The following DDX19A variants were observed in gnomAD, a reference collection of about 807,000 sequenced individuals.
DDX19A encodes the protein DEAD-box helicase 19A.
In DDX19A, 12 loss-of-function variants were observed where a neutral mutation model predicts 60.6. The observed-to-expected ratio is 0.20, with a 90% CI of 0.13 to 0.32. The LOEUF (loss-of-function observed/expected upper bound fraction) is 0.32, where lower values mean the gene tolerates loss of function less well. Ranked by LOEUF, DDX19A falls within the 10% of genes least tolerant of loss-of-function variation. The pLI is 1.00. For missense variants in DDX19A, 337 were observed against 600.6 expected (o/e 0.56, Z 4.59); for synonymous variants, 206 against 218.2 (o/e 0.94, Z 0.49).
intron 3 of DDX19A, 148 bp from the exon 4 acceptor site, chr16:70,355,964 A>G: frequency 9.9e-7 from 1 of 1,007,128 alleles, no homozygotes; most frequent in Non-Finnish European, 1.5e-6. Flanking sequence ...CATCTCTAAA[A>G]TAAATAAATA....
At position 70,366,776 on chromosome 16, in the gene DDX19A, T is replaced by C. The variant is rs760658896; in HGVS notation, c.935T>C (p.Leu312Pro). 3.7e-6 allele frequency: 6 copies of C among 1,614,104 alleles called. No homozygotes were observed. Among genetic ancestry groups the C allele is most frequent in the East Asian group, 2.2e-5 (1 of 44,898 alleles). Reference protein sequence around the residue: ...TLDTIKQYYVLCSSRDEKFQA... With the variant: ...TLDTIKQYYVPCSSRDEKFQA... ...GATACCATCAAGCAGTACTATGTCC[T>C]GTGCAGCAGCAGAGACGAGAAGTTC... Residue 312 changes from leucine to proline, a missense_variant, in exon 9 of 12, where the codon CTG becomes CCG. Leu to Pro is a moderately conservative substitution (Grantham distance 98). Around this residue, in one of 6 missense-constraint regions of DDX19A, gnomAD observed 117 missense variants for 274.3 expected, o/e 0.43. Transcript: ENST00000302243.
At position 70,346,909 on chromosome 16, in the gene DDX19A, T is replaced by A; in HGVS notation, c.-83T>A. ...CTTCCGGTCCGCGTGAGGTGCATTC[T>A]CGCGCCGGTGGCGAGGTTAGGGCCC... is the stretch of plus-strand genomic sequence containing the variant. On this transcript the variant is annotated 5_prime_UTR_variant, in exon 1 of 12. Coordinates refer to ENST00000302243, the MANE Select transcript of DDX19A (RefSeq NM_018332.5). The A allele has an allele frequency of 1.4e-6, 2 of 1,416,900 alleles. No individual in the cohort carries two copies. The highest frequency in any genetic ancestry group is 1.9e-6 in the Non-Finnish European group (2 of 1,029,270). 87.8% of individuals were successfully genotyped at this position (1,416,900 alleles called of 1,614,324 possible).
intron 4 of DDX19A, chr16:70,357,054 C>A (rs1964215832): frequency 3.7e-6 from 1 of 269,698 alleles, no homozygotes; most frequent in South Asian, 3.4e-5. Context: ...CAAGACCAGC[C>A]TGACCAACAT....
At chr16:70,350,851 ATTT>A (rs1162477529) in intron 2 of DDX19A, among the ~76,000 whole-genome samples, 15 of 35,110 alleles carry the variant, frequency 4.3e-4, no homozygotes, top group African/African-American at 1.0e-3. Context: ...TTGGCAAATT[ATTT>A]ATTTATTTAT....
chr16:70,352,865 T>C (rs1231725848), intron 2 of DDX19A, among the ~76,000 whole-genome samples: 6 of 151,374 alleles, frequency 4.0e-5, no homozygotes, highest in Admixed American at 6.6e-5. Context: ...CTCGAACTCC[T>C]GACCTCAGGT....
Position 70,364,633 on chromosome 16 carries a change from C to A in DDX19A, c.477C>A (p.Asp159Glu). 6.2e-7 allele frequency: 1 copy of A among 1,614,022 alleles called. No homozygotes were observed. Among genetic ancestry groups the A allele is most frequent in the Non-Finnish European group, 8.5e-7 (1 of 1,179,868 alleles). ...LAMLSRVEPSDRYPQCLCLSP... is the reference protein window; with the variant it reads ...LAMLSRVEPSERYPQCLCLSP... Reference sequence around the variant, plus strand: ...TGCTCAGCCGAGTGGAGCCATCAGACAGATACCCCCAGGTGAGGGCTTGCG... The same window carrying A: ...TGCTCAGCCGAGTGGAGCCATCAGAAAGATACCCCCAGGTGAGGGCTTGCG... Residue 159 changes from aspartate (D) to glutamate (E), a missense_variant, in exon 6 of 12, where the codon GAC (aspartate) becomes GAA (glutamate). This residue lies in a region of DDX19A where 62 missense variants were observed against 75.7 expected (regional missense o/e 0.82). Coordinates refer to ENST00000302243, the MANE Select transcript of DDX19A (RefSeq NM_018332.5).
At chr16:70,366,906 C>T in intron 9 of DDX19A, 45 bp downstream of exon 9, 1 of 1,608,626 alleles carries the variant, frequency 6.2e-7, no homozygotes, top group Non-Finnish European at 8.5e-7. Context: ...CCCTCTCAGC[C>T]AGCTCCCCAC....
At chr16:70,350,637 A>C in intron 2 of DDX19A, 32 bp downstream of exon 2, 1 of 1,562,498 alleles carries the variant, frequency 6.4e-7, no homozygotes, top group Non-Finnish European at 8.8e-7. Context: ...GCTAGAAAAG[A>C]GTTCCATGTG....
intron 9 of DDX19A, among the ~76,000 whole-genome samples, chr16:70,368,094 T>C (rs1371260768): frequency 2.0e-5 from 3 of 152,188 alleles, no homozygotes; most frequent in Non-Finnish European, 4.4e-5. Flanking sequence ...GGAGGATCCC[T>C]TGAGCCCAGG....
chr16:70,351,619 G>C (rs1964021231), intron 2 of DDX19A, among the ~76,000 whole-genome samples: 1 of 151,878 alleles, frequency 6.6e-6, no homozygotes, highest in Non-Finnish European at 1.5e-5. Context: ...CCGCCTCCCA[G>C]GTTCACGCCA....
At chr16:70,357,313 A>G (rs2151634581) in intron 4 of DDX19A, among the ~76,000 whole-genome samples, 1 of 139,662 alleles carries the variant, frequency 7.2e-6, no homozygotes, top group Admixed American at 7.5e-5. Context: ...TAGGGTTTAC[A>G]GTCTTACAGT....
In DDX19A at chr16:70,372,088, G is replaced by A. The variant is rs117023031; in HGVS notation, c.*102G>A. ...CGACATCACCCCAAGGACAACGGCA[G>A]AAGTAGAGAGAAACTACCTACCTCA... On this transcript the variant is annotated 3_prime_UTR_variant, in exon 12 of 12. Coordinates refer to ENST00000302243, the MANE Select transcript of DDX19A (RefSeq NM_018332.5). The A allele has an allele frequency of 6.4e-7, 1 of 1,561,250 alleles. No homozygotes were observed. The highest frequency in any genetic ancestry group is 1.4e-5 in the African/African-American group (1 of 73,246).
intron 5 of DDX19A, chr16:70,363,751 T>G (rs1964439304): frequency 6.6e-6 from 1 of 151,670 alleles, no homozygotes; most frequent in Admixed American, 6.6e-5. Flanking sequence ...TTTATTTATT[T>G]TTTTGTGAGA....
chr16:70,348,030 A>G (rs1963893609), intron 1 of DDX19A: 1 of 439,164 alleles, frequency 2.3e-6, no homozygotes, highest in Non-Finnish European at 4.5e-6. Context: ...AGAATTAGAC[A>G]AGGCTGGCAA....
chr16:70,366,934 G>A (rs1402744629), intron 9 of DDX19A, 73 bp downstream of exon 9: 2 of 1,560,064 alleles, frequency 1.3e-6, no homozygotes, highest in African/African-American at 1.4e-5. Context: ...AGGAGGACTG[G>A]ATGCCCCTGA....
Position 70,372,074 on chromosome 16 carries a change from C to T in DDX19A, c.*88C>T, listed in dbSNP as rs2047281341. 3 of 1,596,200 alleles carry T rather than the reference C, an allele frequency of 1.9e-6. No individual in the cohort carries two copies. Among genetic ancestry groups the T allele is most frequent in the African/African-American group, 2.7e-5 (2 of 74,364 alleles). Reference sequence around the variant, plus strand: ...TAGGGCACAGGCCCCGACATCACCCCAAGGACAACGGCAGAAGTAGAGAGA... The same window carrying T: ...TAGGGCACAGGCCCCGACATCACCCTAAGGACAACGGCAGAAGTAGAGAGA... On this transcript the variant is annotated 3_prime_UTR_variant, in exon 12 of 12. Transcript: ENST00000302243.
chr16:70,365,037 A>C lies in DDX19A; in HGVS notation c.510A>C (p.Thr170=), dbSNP rs1142622. The C allele has an allele frequency of 8.1e-6, 13 of 1,614,028 alleles. No homozygotes were observed. Among genetic ancestry groups the C allele is most frequent in the Non-Finnish European group, 1.1e-5 (13 of 1,180,010 alleles). ...GTCAGTGTCTGTGCCTCTCCCCAACATATGAGCTGGCGCTTCAAACAGGAA... is the reference window on the plus strand; with the variant it reads ...GTCAGTGTCTGTGCCTCTCCCCAACCTATGAGCTGGCGCTTCAAACAGGAA... ...RYPQCLCLSP[T]YELALQTGKV... Residue 170 remains threonine (T), a synonymous_variant, in exon 7 of 12, where the codon ACA becomes ACC. Transcript: ENST00000302243.
At position 70,346,904 on chromosome 16, in the gene DDX19A, C is replaced by A. The variant is rs751659493; in HGVS notation, c.-88C>A. On this transcript the variant is annotated 5_prime_UTR_variant, in exon 1 of 12. Transcript: ENST00000302243. The stretch of plus-strand genomic sequence containing the variant: ...CGCCGCTTCCGGTCCGCGTGAGGTG[C>A]ATTCTCGCGCCGGTGGCGAGGTTAG... 1.8e-5 allele frequency: 24 copies of A among 1,344,684 alleles called. No individual in the cohort carries two copies. The South Asian group carries it at 3.0e-4, about 17-fold the overall frequency. 83.3% of individuals were successfully genotyped at this position (1,344,684 alleles called of 1,614,324 possible).
intron 9 of DDX19A, among the ~76,000 whole-genome samples, chr16:70,367,343 G>A (rs1428663512): frequency 6.7e-6 from 1 of 149,796 alleles, no homozygotes; most frequent in Non-Finnish European, 1.5e-5. Context: ...CAGGAGAATG[G>A]TGTGAACCCG....
Sources: gnomAD v4.1 joint callset for allele counts (sites outside exome capture counted in the v4.1 genomes callset) on GRCh38, gnomAD v4.1.1 for gene constraint, gnomAD v4.1.1 regional missense constraint, MANE v1.5 for transcripts, NCBI Gene and HGNC (gene_info 2026-07-23, HGNC 2026-07-21) for gene names.